The following MAPT variants were observed in gnomAD, a reference collection of about 807,000 sequenced individuals.
The protein encoded by MAPT is microtubule-associated protein tau.
MAPT carries 34 observed loss-of-function variants against 67.9 expected under a neutral mutation model. The observed-to-expected ratio is 0.50, with a 90% CI of 0.38 to 0.67. The LOEUF is 0.67. MAPT is among the 30% of genes least tolerant of loss of function. MAPT has a pLI of 0.00. For missense variants in MAPT, 881 were observed against 1,115.2 expected (o/e 0.79, Z 2.99); for synonymous variants, 456 against 464.5 (o/e 0.98, Z 0.23).
chr17:45,935,936 C>T (rs971607634), intron 1 of MAPT, among the ~76,000 whole-genome samples: 9 of 152,208 alleles, frequency 5.9e-5, no homozygotes, highest in Admixed American at 3.3e-4. Flanking sequence ...ACACTTGGGG[C>T]TCAGGACAAT....
At chr17:45,917,985 G>A (rs1341185250) in intron 1 of MAPT, among the ~76,000 whole-genome samples, 1 of 152,104 alleles carries the variant, frequency 6.6e-6, no homozygotes, top group African/African-American at 2.4e-5. Flanking sequence ...TGTTGGCCAG[G>A]CTGGTCTCAA....
chr17:45,999,705 TGCTG>T, intron 9 of MAPT: 1 of 1,508,010 alleles, frequency 6.6e-7, no homozygotes, highest in Non-Finnish European at 8.9e-7. Context: ...GACGTCACCA[TGCTG>T]GGTGGAGGCA....
rs2074360128 is a variant in MAPT, at chr17:45,995,011, G to A, written c.1733-1388G>A. ...TGCAGTGAGCCGAGATCACGCCATT[G>A]CACTCCAGCCTGGGCATCAGAATAA... On this transcript the variant is annotated intron_variant, in intron 8 of 12. Coordinates refer to ENST00000262410, the MANE Select transcript of MAPT (RefSeq NM_001377265.1). This position sits in a 1 kb window ranked among gnomAD's most constrained non-coding sequence, Gnocchi z 4.3. Among the ~76,000 whole-genome samples, 1 of 151,942 alleles carries A rather than the reference G, an allele frequency of 6.6e-6. No individual in the cohort carries two copies. The highest frequency in any genetic ancestry group is 1.5e-5 in the Non-Finnish European group (1 of 67,994).
intron 1 of MAPT, among the ~76,000 whole-genome samples, chr17:45,956,108 A>G (rs1381444955): frequency 1.3e-5 from 2 of 152,186 alleles, no homozygotes; most frequent in Non-Finnish European, 2.9e-5. Flanking sequence ...GCCAGGGTCT[A>G]CTTAGAGTTA....
chr17:46,018,673 G>C lies in MAPT; in HGVS notation c.2229G>C (p.Gln743His). Residue 743 changes from glutamine (Q) to histidine (H), a missense_variant, in exon 12 of 13, where the codon CAG (glutamine) becomes CAC (histidine). By Grantham distance (24) the Gln-to-His change is conservative. Transcript: ENST00000262410. ...SEKLDFKDRV[Q>H]SKIGSLDNIT... ...AGCTTGACTTCAAGGACAGAGTCCA[G>C]TCGAAGATTGGGTCCCTGGACAATA... 1 of 1,614,252 alleles carries C rather than the reference G, an allele frequency of 6.2e-7. No individual in the cohort carries two copies. The highest frequency in any genetic ancestry group is 1.1e-5 in the South Asian group (1 of 91,086).
chr17:46,022,573 C>A (rs1012189014), intron 12 of MAPT, among the ~76,000 whole-genome samples: 3 of 152,086 alleles, frequency 2.0e-5, no homozygotes, highest in African/African-American at 7.2e-5. Context: ...TGTGGATGGA[C>A]ATGTGCACAC....
chr17:45,903,248 A>G (rs2063735154), intron 1 of MAPT, among the ~76,000 whole-genome samples: 1 of 152,146 alleles, frequency 6.6e-6, no homozygotes, highest in South Asian at 2.1e-4. Flanking sequence ...GTTCTAAATC[A>G]TGTGTCAACA....
chr17:46,018,542 C>A, intron 11 of MAPT, 76 bp from the exon 12 acceptor site: 1 of 1,096,970 alleles, frequency 9.1e-7, no homozygotes, highest in Non-Finnish European at 1.4e-6. Flanking sequence ...AGACTGCAGA[C>A]CTCATGTAAT....
chr17:46,015,072 G>A (rs1000577807), intron 11 of MAPT, among the ~76,000 whole-genome samples: 2 of 152,066 alleles, frequency 1.3e-5, no homozygotes, highest in African/African-American at 4.8e-5. Flanking sequence ...TAATTTAATT[G>A]TACATTTAAA....
chr17:45,979,144 T>G (rs913016115), intron 4 of MAPT: 1 of 152,226 alleles, frequency 6.6e-6, no homozygotes, highest in African/African-American at 2.4e-5. Context: ...CCTTCAACCC[T>G]TATTATGATT....
intron 1 of MAPT, among the ~76,000 whole-genome samples, chr17:45,943,434 A>G (rs2068173516): frequency 6.6e-6 from 1 of 152,114 alleles, no homozygotes; most frequent in South Asian, 2.1e-4. Context: ...CAGGTCGTTC[A>G]TTACTGGCAG....
In MAPT at chr17:45,983,141, T is replaced by G; in HGVS notation, c.562T>G (p.Phe188Val). The stretch of plus-strand genomic sequence containing the variant: ...GGACTGGGCCGAGAAGGGTCCGGCC[T>G]TTCCGAAGCCCGCCACCACTGCGTA... ...GGDWAEKGPAFPKPATTAYLH... is the reference protein window; with the variant it reads ...GGDWAEKGPAVPKPATTAYLH... The change falls in exon 5 of 13, where the codon TTT becomes GTT. Residue 188 changes from phenylalanine to valine, a missense_variant. Physicochemically the swap from Phe to Val is conservative, Grantham distance 50. Coordinates refer to ENST00000262410, the MANE Select transcript of MAPT (RefSeq NM_001377265.1). 6.3e-7 allele frequency: 1 copy of G among 1,592,598 alleles called. No individual in the cohort carries two copies. The highest frequency in any genetic ancestry group is 8.6e-7 in the Non-Finnish European group (1 of 1,169,204).
chr17:45,986,972 C>G, intron 5 of MAPT, 68 bp from the exon 6 acceptor site: 1 of 1,404,184 alleles, frequency 7.1e-7, no homozygotes, highest in Non-Finnish European at 1.0e-6. Flanking sequence ...TCCAGCTTCA[C>G]CACAGCTGGC....
intron 6 of MAPT, among the ~76,000 whole-genome samples, chr17:45,988,533 G>A (rs1383428231): frequency 6.6e-6 from 1 of 152,190 alleles, no homozygotes; most frequent in Non-Finnish European, 1.5e-5. Flanking sequence ...CATAGGGACA[G>A]GCGTGCAGAC....
chr17:46,018,530 G>A (rs1480971629), intron 11 of MAPT, 88 bp from the exon 12 acceptor site: 3 of 1,007,030 alleles, frequency 3.0e-6, no homozygotes, highest in African/African-American at 1.6e-5. Flanking sequence ...ACTTTGCCCT[G>A]TAGACTGCAG....
At chr17:45,966,316 G>A (rs1291231932) in intron 2 of MAPT, among the ~76,000 whole-genome samples, 5 of 152,136 alleles carry the variant, frequency 3.3e-5, no homozygotes, top group Admixed American at 2.0e-4. Flanking sequence ...GACCAGGTAC[G>A]GTAGCTAATG....
chr17:45,941,455 C>T (rs934677422), intron 1 of MAPT, among the ~76,000 whole-genome samples: 1 of 151,956 alleles, frequency 6.6e-6, no homozygotes, highest in Non-Finnish European at 1.5e-5. Flanking sequence ...CTCTCAGAGA[C>T]CCCTCCTTCC....
rs1397582446 is a variant in MAPT at position 45,999,196 on chromosome 17, T to A, written c.1998+2532T>A. 4 of 1,519,084 alleles carry A rather than the reference T, an allele frequency of 2.6e-6. No homozygotes were observed. The East Asian group carries it at 9.2e-5, about 35-fold the overall frequency. The allele number at this position is 1,519,084 out of a possible 1,614,324, so 94.1% of individuals were successfully genotyped here. On this transcript the variant is annotated intron_variant, in intron 9 of 12. Transcript: ENST00000262410. ...CAGTTGCCATCTCCTCCAGGAAGTC[T>A]TCCTGGATTCCCCTCTCTCTTCTTA...
At chr17:45,929,201 A>T (rs2144646308) in intron 1 of MAPT, among the ~76,000 whole-genome samples, 1 of 152,312 alleles carries the variant, frequency 6.6e-6, no homozygotes, top group Non-Finnish European at 1.5e-5. Flanking sequence ...ATATTTCATG[A>T]AATTTCATGT....
Sources: allele counts gnomAD v4.1 joint callset (sites outside exome capture counted in the v4.1 genomes callset), GRCh38; gene constraint gnomAD v4.1.1; non-coding constraint Gnocchi (gnomAD v3.1); transcripts MANE v1.5; gene names NCBI Gene and HGNC (gene_info 2026-07-23, HGNC 2026-07-21).